Variants in TUBB6 observed in about 807,000 individuals in gnomAD.
TUBB6 encodes the protein tubulin beta 6 class V, also known as tubulin beta-6 chain.
Under a neutral mutation model 32.3 loss-of-function variants are expected in TUBB6, and 18 were observed. The ratio of observed to expected loss-of-function variants is 0.56; its 90% CI spans 0.39 to 0.83. TUBB6 has a LOEUF of 0.83. Among genes scored for constraint, TUBB6 ranks in the 40% least tolerant of loss-of-function variants. The pLI is 0.00. For synonymous variants in TUBB6, 280 were observed against 265.8 expected, an observed-to-expected ratio of 1.05 and a Z score of -0.52; for missense variants, 480 against 632.0, an observed-to-expected ratio of 0.76 and a Z score of 2.58.
intron 2 of TUBB6, 41 bp downstream of exon 2, chr18:12,308,836 G>A: frequency 7.4e-7 from 1 of 1,353,672 alleles, no homozygotes; most frequent in South Asian, 1.2e-5. Flanking sequence ...GCCGGGACCC[G>A]CGTGGACGCT....
In TUBB6 at chr18:12,326,155, G is replaced by A. The variant is rs536419502; in HGVS notation, c.*25G>A. The A allele has an allele frequency of 1.9e-6, 3 of 1,592,618 alleles. No individual in the cohort carries two copies. In the Admixed American group the frequency reaches 5.1e-5, roughly 27 times the overall value. On this transcript the variant is annotated 3_prime_UTR_variant, in exon 4 of 4. Coordinates refer to ENST00000317702, the MANE Select transcript of TUBB6 (RefSeq NM_032525.3). Reference sequence around the variant, plus strand: ...GTCGGAATAGAGCCGCCCCAACTCAGATCCTACAACACGCAAGTTCCTTCT... The same window carrying A: ...GTCGGAATAGAGCCGCCCCAACTCAAATCCTACAACACGCAAGTTCCTTCT...
chr18:12,308,244 T>G lies in TUBB6; in HGVS notation c.-49T>G, dbSNP rs8087840. 1 of 1,336,662 alleles carries G rather than the reference T, an allele frequency of 7.5e-7. No individual in the cohort carries two copies. The highest frequency in any genetic ancestry group is 9.7e-7 in the Non-Finnish European group (1 of 1,033,250). 82.8% of individuals were successfully genotyped at this position (1,336,662 alleles called of 1,614,324 possible). ...GGGACGCGCGCAGCCGGCCCGCAGT[T>G]GCCGCTGTCGTCCGCAGAGCCAGTT... On this transcript the variant is annotated 5_prime_UTR_variant, in exon 1 of 4. Transcript: ENST00000317702.
At chr18:12,329,012 T>G (rs1204191022), downstream of TUBB6, 1 of 618,598 alleles carries the variant, frequency 1.6e-6, no homozygotes, top group African/African-American at 1.8e-5. Flanking sequence ...CATAATACAT[T>G]CATATTTTTA....
chr18:12,318,871 C>T (rs917190612), intron 3 of TUBB6, among the ~76,000 whole-genome samples: 2 of 152,152 alleles, frequency 1.3e-5, no homozygotes, highest in Non-Finnish European at 2.9e-5. Context: ...AGTCCTCCCA[C>T]TTCACCCTCC....
chr18:12,313,931 C>T (rs2144137033), intron 3 of TUBB6, among the ~76,000 whole-genome samples: 1 of 152,310 alleles, frequency 6.6e-6, no homozygotes, highest in Middle Eastern at 3.4e-3. Flanking sequence ...AGAGGGACTG[C>T]TCTCTGAGTA....
downstream of TUBB6, chr18:12,329,319 C>G: frequency 1.5e-6 from 1 of 677,068 alleles, no homozygotes; most frequent in African/African-American, 1.8e-5. Flanking sequence ...ACCTTTCCAG[C>G]ACGTCTGGGA....
chr18:12,308,755 G>A lies in TUBB6; in HGVS notation c.126G>A (p.Leu42=), dbSNP rs774383260. 4 of 1,612,954 alleles carry A rather than the reference G, an allele frequency of 2.5e-6. No individual in the cohort carries two copies. Among genetic ancestry groups the A allele is most frequent in the Non-Finnish European group, 1.7e-6 (2 of 1,179,174 alleles). The change falls in exon 2 of 4, where the codon CTG becomes CTA. Residue 42 remains leucine (L), a synonymous_variant. Coordinates refer to ENST00000317702, the MANE Select transcript of TUBB6 (RefSeq NM_032525.3). ...PAGGYVGDSA[L]QLERINVYYN... is the part of the protein sequence containing the mutation. ...GAGGCTACGTGGGAGACTCGGCGCT[G>A]CAGCTGGAGAGAATCAACGTCTACT...
intron 3 of TUBB6, among the ~76,000 whole-genome samples, chr18:12,315,304 T>C (rs978581632): frequency 1.3e-5 from 2 of 152,250 alleles, no homozygotes; most frequent in South Asian, 2.1e-4. Context: ...AAAAGGAATA[T>C]TGAACATCTT....
Position 12,325,122 on chromosome 18 carries a change from G to C in TUBB6, c.333G>C (p.Glu111Asp), listed in dbSNP as rs1229215795. The C allele has an allele frequency of 1.9e-6, 3 of 1,604,754 alleles. No individual in the cohort carries two copies. In the East Asian group the frequency reaches 6.7e-5, roughly 36 times the overall value. ...WAKGHYTEGAELVDAVLDVVR... is the reference protein window; with the variant it reads ...WAKGHYTEGADLVDAVLDVVR... ...AAGGGCACTACACGGAGGGCGCGGA[G>C]CTGGTGGACGCAGTGCTGGACGTGG... The change falls in exon 4 of 4, where the codon GAG (glutamate) becomes GAC (aspartate). Residue 111 changes from glutamate to aspartate, a missense_variant. Glu to Asp is a conservative substitution (Grantham distance 45). Coordinates refer to ENST00000317702, the MANE Select transcript of TUBB6 (RefSeq NM_032525.3).
At chr18:12,312,901 A>AG (rs1207569401) in intron 3 of TUBB6, among the ~76,000 whole-genome samples, 5 of 150,874 alleles carry the variant, frequency 3.3e-5, no homozygotes, top group African/African-American at 1.2e-4. Context: ...CGGGAGGCTG[A>AG]GGCAGGAGAA....
rs374304662 is a variant in TUBB6 at position 12,325,105 on chromosome 18, T to C, written c.316T>C (p.Tyr106His). ...AGGGAACAACTGGGCGAAAGGGCAC[T>C]ACACGGAGGGCGCGGAGCTGGTGGA... ...GAGNNWAKGHYTEGAELVDAV... is the reference protein window; with the variant it reads ...GAGNNWAKGHHTEGAELVDAV... Residue 106 changes from tyrosine (Y) to histidine (H), a missense_variant, in exon 4 of 4, where the codon TAC (tyrosine) becomes CAC (histidine). Physicochemically the swap from Tyr to His is moderately conservative, Grantham distance 83. Coordinates refer to ENST00000317702, the MANE Select transcript of TUBB6 (RefSeq NM_032525.3). The C allele has an allele frequency of 6.3e-7, 1 of 1,592,336 alleles. No homozygotes were observed. Among genetic ancestry groups the C allele is most frequent in the African/African-American group, 1.3e-5 (1 of 74,702 alleles).
downstream of TUBB6, among the ~76,000 whole-genome samples, chr18:12,328,626 G>A (rs929994375): frequency 6.6e-6 from 1 of 152,166 alleles, no homozygotes; most frequent in Non-Finnish European, 1.5e-5. Flanking sequence ...TGCCAGGCCC[G>A]CTACAGTTAT....
chr18:12,324,817 CTT>C (rs1204308171), intron 3 of TUBB6: 20 of 1,329,664 alleles, frequency 1.5e-5, no homozygotes, highest in South Asian at 2.6e-5. Flanking sequence ...AGAATTACCT[CTT>C]TAACATGGAA....
In TUBB6 at chr18:12,325,386, C is replaced by G. The variant is rs777610743; in HGVS notation, c.597C>G (p.Thr199=). ...AGCTGGTGGAGAATACAGACGAGAC[C>G]TACTGCATCGACAACGAGGCGCTCT... The part of the protein sequence containing the change: ...VHQLVENTDE[T]YCIDNEALYD... The change falls in exon 4 of 4, where the codon ACC becomes ACG. Residue 199 remains threonine (T), a synonymous_variant. Coordinates refer to ENST00000317702, the MANE Select transcript of TUBB6 (RefSeq NM_032525.3). The G allele has an allele frequency of 6.2e-7, 1 of 1,614,216 alleles. No homozygotes were observed. Among genetic ancestry groups the G allele is most frequent in the Admixed American group, 1.7e-5 (1 of 60,032 alleles).
intron 3 of TUBB6, among the ~76,000 whole-genome samples, chr18:12,316,341 A>G (rs1178351701): frequency 6.6e-6 from 1 of 152,248 alleles, no homozygotes; most frequent in Non-Finnish European, 1.5e-5. Context: ...GATCACGAAG[A>G]TTAAGACAAA....
upstream of TUBB6, chr18:12,308,224 G>A (rs1025338264): frequency 8.3e-7 from 1 of 1,204,718 alleles, no homozygotes. Context: ...GCCCCGGGAC[G>A]CGCGCAGCCG....
intron 3 of TUBB6, among the ~76,000 whole-genome samples, chr18:12,314,522 G>A (rs971707630): frequency 1.3e-5 from 2 of 152,028 alleles, no homozygotes; most frequent in African/African-American, 2.4e-5. Flanking sequence ...GTGTGCACAT[G>A]GTGCGTAGCT....
At chr18:12,318,526 C>T (rs1212001457) in intron 3 of TUBB6, among the ~76,000 whole-genome samples, 2 of 151,846 alleles carry the variant, frequency 1.3e-5, no homozygotes, top group Non-Finnish European at 2.9e-5. Flanking sequence ...CTGCCTAGCC[C>T]GGCCCCTCTG....
rs754261840 is a variant in TUBB6 at position 12,325,751 on chromosome 18, T to C, written c.962T>C (p.Met321Thr). Residue 321 changes from methionine (M) to threonine (T), a missense_variant, in exon 4 of 4, where the codon ATG becomes ACG. By Grantham distance (81) the Met-to-Thr change is moderately conservative. Transcript: ENST00000317702. ...GTGGCCACCGTGTTCCGCGGGCCCA[T>C]GTCCATGAAGGAGGTGGACGAGCAG... ...LTVATVFRGP[M>T]SMKEVDEQML... is the part of the protein sequence containing the mutation. The C allele has an allele frequency of 2.2e-5, 36 of 1,614,122 alleles. No individual in the cohort carries two copies. Among genetic ancestry groups the C allele is most frequent in the African/African-American group, 2.7e-5 (2 of 74,944 alleles).
Sources: allele counts gnomAD v4.1 joint callset (sites outside exome capture counted in the v4.1 genomes callset), GRCh38; gene constraint gnomAD v4.1.1; transcripts MANE v1.5; gene names NCBI Gene and HGNC (gene_info 2026-07-23, HGNC 2026-07-21).